The following ARHGAP39 variants were observed in gnomAD, a reference collection of about 807,000 sequenced individuals.
ARHGAP39 encodes Rho GTPase activating protein 39, also known as rho GTPase-activating protein 39.
A neutral mutation model predicts 106.9 loss-of-function variants in ARHGAP39; 44 were observed. The ratio of observed to expected loss-of-function variants is 0.41; its 90% CI spans 0.32 to 0.53. The LOEUF is 0.53. Among genes scored for constraint, ARHGAP39 ranks in the 20% least tolerant of loss-of-function variants. The pLI is 0.21. For synonymous variants in ARHGAP39, 768 were observed against 693.2 expected, an observed-to-expected ratio of 1.11 and a Z score of -1.69; for missense variants, 1,496 against 1,577.3, an observed-to-expected ratio of 0.95 and a Z score of 0.87.
At chr8:144,694,483 A>G in the ARHGAP39 span, among the ~76,000 whole-genome samples, 2 of 152,200 alleles carry the variant, frequency 1.3e-5, no homozygotes, top group African/African-American at 2.4e-5. Context: ...ATGCTCCTAG[A>G]TTTCTTTATA....
chr8:144,642,927 C>A (rs1821348269), intron 1 of ARHGAP39, among the ~76,000 whole-genome samples: 1 of 151,426 alleles, frequency 6.6e-6, no homozygotes, highest in South Asian at 2.1e-4. Flanking sequence ...GCAGGAGGAT[C>A]CCTTGAGCAC....
At chr8:144,613,073 T>C (rs1052653491) in intron 1 of ARHGAP39, among the ~76,000 whole-genome samples, 54 of 152,272 alleles carry the variant, frequency 3.5e-4, no homozygotes, top group African/African-American at 1.2e-3. Flanking sequence ...GTTTATAACA[T>C]ACATCTTTAC....
At chr8:144,699,561 G>T in the ARHGAP39 span, among the ~76,000 whole-genome samples, 1 of 146,746 alleles carries the variant, frequency 6.8e-6, no homozygotes, top group South Asian at 2.2e-4. Context: ...AAGGTGCTGT[G>T]GGAGGCTTAG....
chr8:144,699,129 G>C, the ARHGAP39 span: 28 of 316,288 alleles, frequency 8.9e-5, no homozygotes, highest in East Asian at 1.6e-3. Flanking sequence ...GGCGATGCAG[G>C]GGGTGGGGAC....
chr8:144,582,714 C>A lies in ARHGAP39; in HGVS notation c.81-1437G>T, dbSNP rs186841422. On this transcript the variant is annotated intron_variant, in intron 2 of 11. Coordinates refer to ENST00000377307, the MANE Select transcript of ARHGAP39 (RefSeq NM_025251.3). ...GGAGGATGAGGCGGGTGGGACTGGGCCTGAGTGCAGACACCACAGTGGTGC... is the reference window on the plus strand; with the variant it reads ...GGAGGATGAGGCGGGTGGGACTGGGACTGAGTGCAGACACCACAGTGGTGC... 2.8e-3 allele frequency among the ~76,000 whole-genome samples: 425 copies of A among 152,076 alleles called. 5 individuals are homozygous for A. Among genetic ancestry groups the A allele is most frequent in the African/African-American group, 9.9e-3 (411 of 41,466 alleles).
chr8:144,571,713 G>A (rs1015611270), intron 3 of ARHGAP39, among the ~76,000 whole-genome samples: 1 of 152,212 alleles, frequency 6.6e-6, no homozygotes, highest in Non-Finnish European at 1.5e-5. Context: ...CCTGTTTGCA[G>A]ATGACATGAT....
chr8:144,535,005 G>A (rs997574650), intron 7 of ARHGAP39, among the ~76,000 whole-genome samples: 8 of 152,218 alleles, frequency 5.3e-5, no homozygotes, highest in African/African-American at 9.6e-5. Context: ...GAGAGAACAC[G>A]CCAAGAGAAG....
chr8:144,595,971 G>A (rs1819606035), intron 2 of ARHGAP39, among the ~76,000 whole-genome samples: 1 of 152,092 alleles, frequency 6.6e-6, no homozygotes, highest in South Asian at 2.1e-4. Context: ...GGCGGCAGGT[G>A]TGGCCAGCCC....
chr8:144,598,292 C>T (rs1005097638), intron 2 of ARHGAP39, among the ~76,000 whole-genome samples: 2 of 151,990 alleles, frequency 1.3e-5, no homozygotes, highest in African/African-American at 2.4e-5. Context: ...AACTCGGAAC[C>T]CAGCCGTGGG....
chr8:144,589,544 CAGG>C (rs1819312379), intron 2 of ARHGAP39, among the ~76,000 whole-genome samples: 4 of 152,372 alleles, frequency 2.6e-5, no homozygotes, highest in African/African-American at 9.6e-5. Context: ...TACCAAAACA[CAGG>C]AGACCTCTCC....
At chr8:144,603,295 G>T (rs1054507898) in intron 2 of ARHGAP39, among the ~76,000 whole-genome samples, 1 of 150,452 alleles carries the variant, frequency 6.6e-6, no homozygotes, top group Admixed American at 6.6e-5. Context: ...GTGCGTGCTC[G>T]TGTATCTGTG....
chr8:144,603,091 G>A lies in ARHGAP39; in HGVS notation c.80+2444C>T, dbSNP rs546800474. ...TGTGTGCGTGCGTGGAGGTGTGTGC[G>A]CGAGCTCATGTATCTGTGTGCGTGG... is the stretch of plus-strand genomic sequence containing the variant. On this transcript the variant is annotated intron_variant, in intron 2 of 11. Transcript: ENST00000377307. 8.2e-5 allele frequency among the ~76,000 whole-genome samples: 12 copies of A among 145,872 alleles called. No individual in the cohort carries two copies. In the South Asian group the frequency reaches 2.0e-3, roughly 24 times the overall value.
At chr8:144,553,281 G>A (rs534491179) in intron 4 of ARHGAP39, among the ~76,000 whole-genome samples, 5 of 152,300 alleles carry the variant, frequency 3.3e-5, no homozygotes, top group Non-Finnish European at 7.3e-5. Flanking sequence ...CCCCAAGGAA[G>A]GTAAGTTCCC....
upstream of ARHGAP39, among the ~76,000 whole-genome samples, chr8:144,688,459 G>A (rs1001950837): frequency 6.6e-6 from 1 of 152,196 alleles, no homozygotes; most frequent in Non-Finnish European, 1.5e-5. Context: ...CCCCACTAAT[G>A]GAGGGGGACC....
intron 2 of ARHGAP39, among the ~76,000 whole-genome samples, chr8:144,594,249 C>T (rs1300632034): frequency 6.6e-6 from 1 of 152,152 alleles, no homozygotes; most frequent in African/African-American, 2.4e-5. Context: ...ATCAAAACCA[C>T]AAGAGACACC....
chr8:144,537,630 A>G, intron 7 of ARHGAP39, 91 bp downstream of exon 7: 27 of 820,284 alleles, frequency 3.3e-5, no homozygotes, highest in East Asian at 9.0e-5. Context: ...CCCCGCCCAG[A>G]AGCGGTTAGA....
At chr8:144,656,617 GC>G (rs1012930344) in intron 1 of ARHGAP39, among the ~76,000 whole-genome samples, 1 of 151,902 alleles carries the variant, frequency 6.6e-6, no homozygotes, top group African/African-American at 2.4e-5. Context: ...GACCAGCCTG[GC>G]CAACATGGCA....
the ARHGAP39 span, among the ~76,000 whole-genome samples, chr8:144,691,709 T>C: frequency 2.3e-3 from 350 of 152,256 alleles, 3 homozygotes; most frequent in African/African-American, 7.7e-3. Context: ...ATTGCAATCC[T>C]AGTCAGCTCG....
intron 1 of ARHGAP39, among the ~76,000 whole-genome samples, chr8:144,682,838 CAT>C: frequency 6.6e-6 from 1 of 152,182 alleles, no homozygotes; most frequent in Middle Eastern, 3.4e-3. Flanking sequence ...TGGCAAAACA[CAT>C]CTCTACAAAC....
Sources: gnomAD v4.1 joint callset for allele counts (sites outside exome capture counted in the v4.1 genomes callset) on GRCh38, gnomAD v4.1.1 for gene constraint, MANE v1.5 for transcripts, NCBI Gene and HGNC (gene_info 2026-07-23, HGNC 2026-07-21) for gene names.